Variants in DLG2 observed in about 807,000 individuals in gnomAD.
The protein encoded by DLG2 is discs large MAGUK scaffold protein 2.
DLG2 carries 45 observed loss-of-function variants against 132.5 expected under a neutral mutation model. The ratio of observed to expected loss-of-function variants is 0.34; its 90% CI spans 0.27 to 0.44. The LOEUF (loss-of-function observed/expected upper bound fraction) is 0.44, where lower values mean the gene tolerates loss of function less well. DLG2 is among the 20% of genes least tolerant of loss of function. The pLI is 1.00. For missense variants in DLG2, 1,045 were observed against 1,196.9 expected (o/e 0.87, Z 1.87); for synonymous variants, 424 against 419.6 (o/e 1.01, Z -0.13).
intron 7 of DLG2, among the ~76,000 whole-genome samples, chr11:84,494,105 T>G (rs1315308001): frequency 1.3e-5 from 2 of 152,182 alleles, no homozygotes; most frequent in South Asian, 4.1e-4. Flanking sequence ...CTTATATGTT[T>G]CAATACCCAT....
chr11:85,125,478 A>G (rs2074977616), intron 5 of DLG2, among the ~76,000 whole-genome samples: 1 of 152,200 alleles, frequency 6.6e-6, no homozygotes, highest in Admixed American at 6.5e-5. Context: ...CAAATCTACA[A>G]CTAATTGTAA....
At chr11:83,850,079 T>C (rs1169864788) in intron 16 of DLG2, among the ~76,000 whole-genome samples, 3 of 151,598 alleles carry the variant, frequency 2.0e-5, no homozygotes, top group East Asian at 3.9e-4. Context: ...TAAGTAAAAA[T>C]AACTAATTAT....
chr11:83,474,815 T>A (rs2092453782), intron 22 of DLG2, among the ~76,000 whole-genome samples: 1 of 152,134 alleles, frequency 6.6e-6, no homozygotes, highest in African/African-American at 2.4e-5. Context: ...ATAGAGCACA[T>A]CAAGTTCCCA....
chr11:84,193,450 A>G (rs1477663111), intron 8 of DLG2, among the ~76,000 whole-genome samples: 5 of 152,188 alleles, frequency 3.3e-5, no homozygotes, highest in African/African-American at 1.2e-4. Flanking sequence ...ATGAGTCAAG[A>G]TGTGAAAACA....
At chr11:85,252,517 T>C (rs575682686) in intron 4 of DLG2, among the ~76,000 whole-genome samples, 5 of 151,830 alleles carry the variant, frequency 3.3e-5, no homozygotes, top group African/African-American at 1.2e-4. Context: ...ACCCAGGAGG[T>C]GGAGGTTGCA....
intron 19 of DLG2, among the ~76,000 whole-genome samples, chr11:83,588,276 G>A (rs1157870785): frequency 6.6e-6 from 1 of 150,534 alleles, no homozygotes; most frequent in Non-Finnish European, 1.5e-5. Context: ...CCAGCACGCA[G>A]CTGGAGATCT....
At chr11:83,792,503 T>C (rs1422761005) in intron 17 of DLG2, among the ~76,000 whole-genome samples, 2 of 152,174 alleles carry the variant, frequency 1.3e-5, no homozygotes, top group Non-Finnish European at 1.5e-5. Flanking sequence ...AAGGTAATCA[T>C]GTGAATGGTT....
chr11:84,909,963 G>C (rs1016849308), intron 6 of DLG2, among the ~76,000 whole-genome samples: 1 of 152,158 alleles, frequency 6.6e-6, no homozygotes, highest in Non-Finnish European at 1.5e-5. Flanking sequence ...ACATGGCTTT[G>C]TTTAGCCCTG....
chr11:84,175,884 TA>T (rs932387791), intron 8 of DLG2, among the ~76,000 whole-genome samples: 1 of 152,082 alleles, frequency 6.6e-6, no homozygotes, highest in Non-Finnish European at 1.5e-5. Flanking sequence ...CAAAGTACTT[TA>T]GGACCATGAC....
At chr11:85,004,617 C>G (rs1001938766) in intron 6 of DLG2, among the ~76,000 whole-genome samples, 2 of 152,080 alleles carry the variant, frequency 1.3e-5, no homozygotes, top group African/African-American at 2.4e-5. Context: ...TGGATATTAG[C>G]CCTTTGTCAG....
At chr11:83,716,711 A>AT (rs905158467) in intron 18 of DLG2, among the ~76,000 whole-genome samples, 13 of 151,882 alleles carry the variant, frequency 8.6e-5, no homozygotes, top group South Asian at 4.2e-4. Context: ...TGGAAAAGAG[A>AT]TTTTTTTTTC....
chr11:85,417,921 T>C (rs1250720062), intron 3 of DLG2, among the ~76,000 whole-genome samples: 1 of 152,166 alleles, frequency 6.6e-6, no homozygotes, highest in East Asian at 1.9e-4. Flanking sequence ...GAAGGGTTTT[T>C]AATGTCTCTA....
In DLG2 at chr11:84,388,991, T is replaced by C. The variant is rs145095540; in HGVS notation, c.520-137700A>G. 3.3e-4 allele frequency among the ~76,000 whole-genome samples: 50 copies of C among 152,224 alleles called. No homozygotes were observed. The East Asian group carries it at 9.1e-3, about 28-fold the overall frequency. On this transcript the variant is annotated intron_variant, in intron 7 of 27. Coordinates refer to ENST00000376104, the MANE Select transcript of DLG2 (RefSeq NM_001142699.3). ...CCTCCACTAAAGGATATACTTTAAT[T>C]TGCAGGCTTTCATATAGACTGGGTT...
chr11:83,847,640 T>C (rs1280843304), intron 16 of DLG2, among the ~76,000 whole-genome samples: 1 of 152,164 alleles, frequency 6.6e-6, no homozygotes, highest in Non-Finnish European at 1.5e-5. Context: ...TTCCATATTG[T>C]ATAACTAGGG....
intron 6 of DLG2, among the ~76,000 whole-genome samples, chr11:84,926,903 G>A (rs1398858859): frequency 3.3e-5 from 5 of 151,990 alleles, no homozygotes; most frequent in Admixed American, 2.6e-4. Flanking sequence ...CTCTCTGAAT[G>A]TGAACATCTC....
intron 3 of DLG2, among the ~76,000 whole-genome samples, chr11:85,366,159 T>A (rs905809846): frequency 3.3e-5 from 5 of 152,310 alleles, no homozygotes; most frequent in African/African-American, 1.2e-4. Context: ...TGGATTGCTA[T>A]AATTCTAAGA....
intron 6 of DLG2, among the ~76,000 whole-genome samples, chr11:84,916,752 T>C (rs900653415): frequency 5.3e-5 from 8 of 152,146 alleles, no homozygotes; most frequent in African/African-American, 1.9e-4. Flanking sequence ...CCCATCTCAC[T>C]GGGAAAGTCC....
chr11:83,725,848 A>G (rs2089897061), intron 18 of DLG2, among the ~76,000 whole-genome samples: 4 of 152,112 alleles, frequency 2.6e-5, no homozygotes, highest in Admixed American at 2.6e-4. Context: ...GAGCTCAGAC[A>G]TTTTCACTTT....
At chr11:84,505,574 T>C (rs1328347423) in intron 7 of DLG2, among the ~76,000 whole-genome samples, 1 of 152,222 alleles carries the variant, frequency 6.6e-6, no homozygotes, top group Admixed American at 6.5e-5. Flanking sequence ...ATCAGGTTCC[T>C]AATTTGCAAA....
Sources: allele counts gnomAD v4.1 joint callset (sites outside exome capture counted in the v4.1 genomes callset), GRCh38; gene constraint gnomAD v4.1.1; transcripts MANE v1.5; gene names NCBI Gene and HGNC (gene_info 2026-07-23, HGNC 2026-07-21).